The following SAMD3 variants were observed in gnomAD, a reference collection of about 807,000 sequenced individuals.
SAMD3 encodes sterile alpha motif domain containing 3.
In SAMD3, 63 loss-of-function variants were observed where a neutral mutation model predicts 58.5. That is an observed-to-expected ratio of 1.08 (90% CI 0.88 to 1.33). The LOEUF (loss-of-function observed/expected upper bound fraction) is 1.33. SAMD3 is among the 40% of genes most tolerant of loss of function. The pLI is 0.00. For missense variants in SAMD3, 604 were observed against 608.4 expected (o/e 0.99, Z 0.08); for synonymous variants, 220 against 210.3 (o/e 1.05, Z -0.40).
At chr6:130,288,086 G>T (rs1307583502) in intron 2 of SAMD3, among the ~76,000 whole-genome samples, 1 of 152,174 alleles carries the variant, frequency 6.6e-6, no homozygotes. Flanking sequence ...ATATTAGGAA[G>T]CCCTTTTGTG....
At chr6:130,293,147 T>C (rs934722499) in intron 2 of SAMD3, among the ~76,000 whole-genome samples, 10 of 152,244 alleles carry the variant, frequency 6.6e-5, no homozygotes, top group Non-Finnish European at 1.2e-4. Context: ...GTTGCATCTA[T>C]ACTAGAGAAG....
Position 130,183,331 on chromosome 6 carries a change from C to T in SAMD3, c.654+772G>A, listed in dbSNP as rs532002156. 97 of 422,066 alleles carry T rather than the reference C, an allele frequency of 2.3e-4. 1 individual carries two copies. The highest frequency in any genetic ancestry group is 1.2e-3 in the South Asian group (75 of 61,062). The allele number at this position is 422,066 out of a possible 1,614,324, so 26.1% of individuals were successfully genotyped here. The stretch of plus-strand genomic sequence containing the variant: ...CAGCCTGAGTGAGAGAGCGAGACTC[C>T]GTCTCAAAAAAAAAAAAAGGAAAAA... On this transcript the variant is annotated intron_variant, in intron 7 of 11. Transcript: ENST00000439090.
intron 5 of SAMD3, among the ~76,000 whole-genome samples, chr6:130,206,180 C>T (rs1795067416): frequency 6.6e-6 from 1 of 152,192 alleles, no homozygotes; most frequent in Non-Finnish European, 1.5e-5. Context: ...CAGGAGGGGA[C>T]ACCTGATTCA....
Position 130,146,071 on chromosome 6 carries a change from A to G in SAMD3, c.1134T>C (p.Asn378=), listed in dbSNP as rs1369652787. The change falls in exon 10 of 12, where the codon AAT becomes AAC. Residue 378 remains asparagine, a synonymous_variant. Transcript: ENST00000439090. ...TTTCTTGCAATACAATATTGATTGG[A>G]TTGTCCACCACTGAAAAAGAAGTCA... ...NILTSFSVVD[N]PINIVLQEKM... 1.3e-6 allele frequency: 2 copies of G among 1,596,904 alleles called. No individual in the cohort carries two copies. Among genetic ancestry groups the G allele is most frequent in the Non-Finnish European group, 1.7e-6 (2 of 1,172,610 alleles).
intron 1 of SAMD3, among the ~76,000 whole-genome samples, chr6:130,324,035 T>C (rs1265344777): frequency 6.6e-6 from 1 of 152,164 alleles, no homozygotes; most frequent in Non-Finnish European, 1.5e-5. Flanking sequence ...TTTAACATCT[T>C]GGAACTTTTT....
At chr6:130,329,048 C>T (rs190055508) in intron 1 of SAMD3, among the ~76,000 whole-genome samples, 93 of 150,920 alleles carry the variant, frequency 6.2e-4, no homozygotes, top group Non-Finnish European at 1.2e-3. Flanking sequence ...CTCTCCCTCT[C>T]TCTCTCTCTC....
intron 2 of SAMD3, among the ~76,000 whole-genome samples, chr6:130,257,159 C>G (rs1159957341): frequency 6.6e-6 from 1 of 152,062 alleles, no homozygotes; most frequent in East Asian, 1.9e-4. Context: ...CTCTCTGTCT[C>G]TCTCTCTCTC....
At chr6:130,281,041 A>G (rs1286166143) in intron 2 of SAMD3, among the ~76,000 whole-genome samples, 1 of 139,414 alleles carries the variant, frequency 7.2e-6, no homozygotes, top group African/African-American at 2.6e-5. Flanking sequence ...AATTAGGCAT[A>G]CTAAGAGATT....
intron 9 of SAMD3, among the ~76,000 whole-genome samples, chr6:130,149,348 C>T (rs768438216): frequency 2.0e-5 from 3 of 152,202 alleles, no homozygotes; most frequent in Non-Finnish European, 4.4e-5. Context: ...ACAGAGCTAC[C>T]ATTTGACCCA....
chr6:130,287,266 A>G (rs1775191578), intron 2 of SAMD3, among the ~76,000 whole-genome samples: 1 of 152,204 alleles, frequency 6.6e-6, no homozygotes, highest in South Asian at 2.1e-4. Context: ...ACAATCACAT[A>G]ACATTTTATA....
intron 1 of SAMD3, among the ~76,000 whole-genome samples, chr6:130,350,300 C>T (rs1270886822): frequency 9.2e-5 from 14 of 152,140 alleles, no homozygotes; most frequent in Non-Finnish European, 1.8e-4. Flanking sequence ...TTGCAGATGA[C>T]ATGATTGTAT....
chr6:130,270,577 C>T (rs555834272), intron 2 of SAMD3, among the ~76,000 whole-genome samples: 1 of 152,314 alleles, frequency 6.6e-6, no homozygotes, highest in Non-Finnish European at 1.5e-5. Flanking sequence ...AGTAGTTAAA[C>T]CTAAACCAAA....
chr6:130,339,047 G>A (rs117001051), intron 1 of SAMD3, among the ~76,000 whole-genome samples: 2,785 of 152,002 alleles, frequency 0.018, 23 homozygotes, highest in Non-Finnish European at 0.027. Flanking sequence ...TCATCTTTTC[G>A]TTTTGTTTTG....
chr6:130,162,718 T>C (rs976246881), intron 8 of SAMD3, among the ~76,000 whole-genome samples: 1 of 152,164 alleles, frequency 6.6e-6, no homozygotes, highest in Non-Finnish European at 1.5e-5. Context: ...ATACCTAAGA[T>C]TGTGGACTGT....
chr6:130,336,491 A>T (rs1356936118), intron 1 of SAMD3, among the ~76,000 whole-genome samples: 3 of 152,238 alleles, frequency 2.0e-5, no homozygotes, highest in Non-Finnish European at 4.4e-5. Context: ...GAGTGGAAGT[A>T]ACATTTTGGA....
intron 2 of SAMD3, among the ~76,000 whole-genome samples, chr6:130,263,180 G>C (rs1018990478): frequency 5.3e-5 from 8 of 152,006 alleles, no homozygotes; most frequent in African/African-American, 1.9e-4. Flanking sequence ...ATAAAAATAG[G>C]TGCTAAAGGA....
At chr6:130,260,856 G>A (rs1376751647) in intron 2 of SAMD3, among the ~76,000 whole-genome samples, 1 of 152,242 alleles carries the variant, frequency 6.6e-6, no homozygotes, top group Non-Finnish European at 1.5e-5. Context: ...GGTACTTGGA[G>A]TCTGGACATC....
At chr6:130,313,044 T>C (rs979498543) in exon 2 of SAMD3, 2 of 152,202 alleles carry the variant, frequency 1.3e-5, no homozygotes, top group African/African-American at 4.8e-5. Flanking sequence ...CTAACAGCAG[T>C]GGTTCAGTAG....
At chr6:130,307,552 A>G (rs1436629849) in intron 2 of SAMD3, among the ~76,000 whole-genome samples, 1 of 152,198 alleles carries the variant, frequency 6.6e-6, no homozygotes, top group East Asian at 1.9e-4. Context: ...ATAATTTAAT[A>G]AAGGAAAATT....
Sources: allele counts gnomAD v4.1 joint callset (sites outside exome capture counted in the v4.1 genomes callset), GRCh38; gene constraint gnomAD v4.1.1; transcripts MANE v1.5; gene names NCBI Gene and HGNC (gene_info 2026-07-23, HGNC 2026-07-21).